The following MTBP variants were observed in gnomAD, a reference collection of about 807,000 sequenced individuals.
MTBP encodes MDM2 binding protein.
MTBP carries 101 observed loss-of-function variants against 117.0 expected under a neutral mutation model. That is an observed-to-expected ratio of 0.86 (90% CI 0.73 to 1.02). MTBP has a LOEUF of 1.02. MTBP is among the 50% of genes least tolerant of loss of function. MTBP has a pLI of 0.00. For missense variants in MTBP, 970 were observed against 1,030.9 expected (o/e 0.94, Z 0.81); for synonymous variants, 350 against 351.5 (o/e 1.00, Z 0.05).
intron 13 of MTBP, among the ~76,000 whole-genome samples, chr8:120,492,560 A>G (rs946963976): frequency 6.6e-6 from 1 of 152,230 alleles, no homozygotes; most frequent in African/African-American, 2.4e-5. Flanking sequence ...ACAGAAAAAC[A>G]AAATTTGTTC....
At chr8:120,501,190 CAAAA>C (rs59706254) in intron 14 of MTBP, among the ~76,000 whole-genome samples, 1 of 45,950 alleles carries the variant, frequency 2.2e-5, no homozygotes, top group South Asian at 9.4e-4. Context: ...AACTCCATCT[CAAAA>C]AAAAAAAAAA....
intron 5 of MTBP, among the ~76,000 whole-genome samples, 184 bp from the exon 6 acceptor site, chr8:120,455,251 C>T (rs989542552): frequency 6.6e-6 from 1 of 151,742 alleles, no homozygotes; most frequent in Admixed American, 6.6e-5. Flanking sequence ...AGTTTGAATT[C>T]CTAAGGGCGT....
intron 4 of MTBP, chr8:120,452,846 AAAG>A (rs1242893684): frequency 8.3e-4 from 122 of 146,676 alleles, no homozygotes; most frequent in African/African-American, 3.3e-3. Flanking sequence ...AAAAAAAAAA[AAAG>A]AAAAGGCAAG....
At chr8:120,519,597 G>A (rs1050192113) in intron 20 of MTBP, among the ~76,000 whole-genome samples, 68 of 152,034 alleles carry the variant, frequency 4.5e-4, no homozygotes, top group African/African-American at 1.6e-3. Flanking sequence ...CCAAGAGAAA[G>A]GACAAGAAAA....
chr8:120,518,510 ATAT>A (rs1814959583), intron 19 of MTBP, among the ~76,000 whole-genome samples, 191 bp from the exon 20 acceptor site: 1 of 151,732 alleles, frequency 6.6e-6, no homozygotes, highest in Non-Finnish European at 1.5e-5. Flanking sequence ...TCCTGCTAAC[ATAT>A]TATTCCTGTG....
chr8:120,513,888 T>C (rs1408276134), intron 17 of MTBP, among the ~76,000 whole-genome samples: 1 of 151,940 alleles, frequency 6.6e-6, no homozygotes, highest in Admixed American at 6.6e-5. Context: ...ATATGTTTCT[T>C]AAGCAACAGA....
chr8:120,469,516 C>T (rs986367042), intron 10 of MTBP, among the ~76,000 whole-genome samples: 1 of 152,142 alleles, frequency 6.6e-6, no homozygotes, highest in Non-Finnish European at 1.5e-5. Flanking sequence ...CTTCAAGGCT[C>T]TCGTCTCCTT....
chr8:120,459,235 T>C lies in MTBP; in HGVS notation c.768T>C (p.Phe256=), dbSNP rs149917491. Residue 256 remains phenylalanine, a synonymous_variant, in exon 8 of 22, where the codon TTT becomes TTC. Transcript: ENST00000305949. The part of the protein sequence containing the change: ...WERKFGFEIS[F]PEFCLKGVTL... ...TTCAGTTTGGATTTGAAATTAGTTT[T>C]CCTGAATTTTGTTTAAAGGGAGTCA... is the stretch of plus-strand genomic sequence containing the variant. The C allele has an allele frequency of 4.3e-4, 695 of 1,609,302 alleles. 1 individual carries two copies. The African/African-American group carries it at 7.9e-3, about 18-fold the overall frequency.
intron 8 of MTBP, among the ~76,000 whole-genome samples, chr8:120,459,557 G>A (rs543084677): frequency 2.2e-4 from 34 of 152,264 alleles, no homozygotes; most frequent in African/African-American, 7.2e-4. Context: ...TTAAAAAAAT[G>A]TAATGCTACT....
intron 18 of MTBP, among the ~76,000 whole-genome samples, chr8:120,517,281 C>T (rs1311323140): frequency 6.6e-6 from 1 of 151,862 alleles, no homozygotes; most frequent in East Asian, 1.9e-4. Context: ...TAAAAAGATA[C>T]AGGTTGTGGT....
intron 14 of MTBP, 103 bp from the exon 15 acceptor site, chr8:120,502,389 A>C (rs1814603143): frequency 8.9e-6 from 6 of 671,636 alleles, no homozygotes; most frequent in Non-Finnish European, 1.5e-5. Flanking sequence ...TTATAGACAC[A>C]CATACACACA....
intron 11 of MTBP, among the ~76,000 whole-genome samples, chr8:120,486,383 G>A (rs1454508497): frequency 6.6e-6 from 1 of 152,044 alleles, no homozygotes; most frequent in East Asian, 1.9e-4. Flanking sequence ...TAGCTGGGCC[G>A]GCATGTAGCT....
At chr8:120,467,658 G>A (rs541812618) in intron 10 of MTBP, among the ~76,000 whole-genome samples, 6 of 152,276 alleles carry the variant, frequency 3.9e-5, no homozygotes, top group Non-Finnish European at 8.8e-5. Context: ...TTATATTCTG[G>A]AGATAGAATG....
At chr8:120,470,013 C>G (rs533727493) in intron 10 of MTBP, among the ~76,000 whole-genome samples, 1 of 152,262 alleles carries the variant, frequency 6.6e-6, no homozygotes, top group South Asian at 2.1e-4. Context: ...TTGGCAAATG[C>G]TTTGCCTAAA....
intron 20 of MTBP, 98 bp from the exon 21 acceptor site, chr8:120,522,556 G>T: frequency 1.2e-6 from 1 of 806,390 alleles, no homozygotes. Context: ...AATACGTGTA[G>T]AATGATTTAG....
At chr8:120,481,903 C>A (rs1814092802) in intron 11 of MTBP, among the ~76,000 whole-genome samples, 1 of 152,064 alleles carries the variant, frequency 6.6e-6, no homozygotes, top group Admixed American at 6.6e-5. Context: ...ATTCTTAACA[C>A]CAGCTACAAA....
chr8:120,507,435 T>C (rs905389116), intron 16 of MTBP, among the ~76,000 whole-genome samples: 1 of 152,158 alleles, frequency 6.6e-6, no homozygotes, highest in Non-Finnish European at 1.5e-5. Context: ...TGTTGCTGAC[T>C]TTGACAAAAT....
intron 11 of MTBP, among the ~76,000 whole-genome samples, chr8:120,480,679 A>T (rs1260686905): frequency 6.6e-6 from 1 of 152,102 alleles, no homozygotes; most frequent in Non-Finnish European, 1.5e-5. Flanking sequence ...TGCATATGTA[A>T]AAATTATGTA....
intron 12 of MTBP, 58 bp downstream of exon 12, chr8:120,488,390 A>G (rs1359262268): frequency 3.1e-6 from 4 of 1,309,138 alleles, no homozygotes; most frequent in Admixed American, 3.2e-5. Flanking sequence ...TGTGGTTAGC[A>G]TATGTGGCTT....
Sources: allele counts gnomAD v4.1 joint callset (sites outside exome capture counted in the v4.1 genomes callset), GRCh38; gene constraint gnomAD v4.1.1; transcripts MANE v1.5; gene names NCBI Gene and HGNC (gene_info 2026-07-23, HGNC 2026-07-21).